CEP89: variants seen among roughly 807,000 people sequenced by gnomAD.
CEP89 encodes the protein centrosomal protein 89.
In CEP89, 95 loss-of-function variants were observed where a neutral mutation model predicts 97.6. That is an observed-to-expected ratio of 0.97 (90% CI 0.82 to 1.15). The LOEUF is 1.15. Among genes scored for constraint, CEP89 ranks in the 50% most tolerant of loss-of-function variants. CEP89 has a pLI of 0.00. For missense variants in CEP89, 869 were observed against 947.7 expected, an observed-to-expected ratio of 0.92 and a Z score of 1.09; for synonymous variants, 354 against 349.1, an observed-to-expected ratio of 1.01 and a Z score of -0.16.
chr19:32,919,750 C>G (rs1047980030), intron 12 of CEP89, among the ~76,000 whole-genome samples: 1 of 152,314 alleles, frequency 6.6e-6, no homozygotes, highest in East Asian at 1.9e-4. Context: ...CTGCAACTTC[C>G]ACCTCAGCTT....
intron 17 of CEP89, among the ~76,000 whole-genome samples, chr19:32,886,174 C>G (rs548003014): frequency 6.6e-6 from 1 of 152,336 alleles, no homozygotes; most frequent in African/African-American, 2.4e-5. Flanking sequence ...TAGTTTTGAT[C>G]TCCTTTGCGG....
Position 32,923,326 on chromosome 19 carries a change from C to T in CEP89, c.1268+113G>A, listed in dbSNP as rs116769080. ...CCTTATTAATTTCTTAGAAACTCTC[C>T]CGTAAAATATTTTAGTTAAGAATGT... On this transcript the variant is annotated intron_variant, in intron 12 of 18. Coordinates refer to ENST00000305768, the MANE Select transcript of CEP89 (RefSeq NM_032816.5). 694 of 544,412 alleles carry T rather than the reference C, an allele frequency of 1.3e-3. 3 individuals are homozygous for T. Among genetic ancestry groups the T allele is most frequent in the African/African-American group, 0.012 (617 of 51,634 alleles). The allele number at this position is 544,412 out of a possible 1,614,324, so 33.7% of individuals were successfully genotyped here. A position where few individuals can be genotyped will look rare whatever the true frequency, so the allele number is the denominator to read the frequency against.
intron 11 of CEP89, 145 bp downstream of exon 11, chr19:32,926,045 C>A: frequency 1.5e-6 from 1 of 685,860 alleles, no homozygotes. Flanking sequence ...TGCCACACTC[C>A]TTCCTTCCTC....
At chr19:32,896,769 C>G (rs1199184002) in intron 16 of CEP89, among the ~76,000 whole-genome samples, 1 of 151,604 alleles carries the variant, frequency 6.6e-6, no homozygotes, top group African/African-American at 2.4e-5. Flanking sequence ...CTCTCTGTCT[C>G]TCTCTCTCTC....
At chr19:32,896,147 G>A (rs936275226) in intron 16 of CEP89, among the ~76,000 whole-genome samples, 2 of 152,098 alleles carry the variant, frequency 1.3e-5, no homozygotes, top group Admixed American at 6.6e-5. Context: ...CCAAAAAGGA[G>A]CCTGAAAAGG....
In CEP89 at chr19:32,944,155, T is replaced by C. The variant is rs144872912; in HGVS notation, c.595+4111A>G. Among the ~76,000 whole-genome samples, 420 of 142,342 alleles carry C rather than the reference T, an allele frequency of 3.0e-3. 3 individuals carry two copies. The highest frequency in any genetic ancestry group is 0.011 in the African/African-American group (392 of 37,190). The allele number at this position is 142,342 out of a possible 152,430, so 93.4% of individuals were successfully genotyped here. A position where few individuals can be genotyped will look rare whatever the true frequency, so the allele number is the denominator to read the frequency against. On this transcript the variant is annotated intron_variant, in intron 5 of 18. Coordinates refer to ENST00000305768, the MANE Select transcript of CEP89 (RefSeq NM_032816.5). ...GGTGGGAGGATCAACTGAACCCAGG[T>C]TGAGGTTGCAGTAAGCCATGATCAT...
chr19:32,906,290 TG>T (rs559040652), intron 14 of CEP89, among the ~76,000 whole-genome samples: 1 of 152,232 alleles, frequency 6.6e-6, no homozygotes, highest in Non-Finnish European at 1.5e-5. Context: ...TTATTTGGAT[TG>T]TTTTTTAATC....
chr19:32,918,871 TC>T (rs371637939), intron 12 of CEP89, among the ~76,000 whole-genome samples: 2 of 121,732 alleles, frequency 1.6e-5, no homozygotes, highest in African/African-American at 3.6e-5. Context: ...TTTTCTTTTT[TC>T]TTTTTCTTTT....
chr19:32,955,429 G>A (rs1283387954), intron 3 of CEP89, among the ~76,000 whole-genome samples: 1 of 152,150 alleles, frequency 6.6e-6, no homozygotes, highest in East Asian at 1.9e-4. Context: ...AGATAACCCT[G>A]TAATAAACAT....
chr19:32,888,646 G>A (rs915233428), intron 16 of CEP89, among the ~76,000 whole-genome samples: 35 of 149,478 alleles, frequency 2.3e-4, no homozygotes, highest in East Asian at 8.1e-4. Context: ...TCGCGCCACC[G>A]CACTCCAGCC....
intron 16 of CEP89, among the ~76,000 whole-genome samples, chr19:32,897,949 A>G (rs1388166963): frequency 1.3e-5 from 2 of 152,208 alleles, no homozygotes; most frequent in Non-Finnish European, 2.9e-5. Flanking sequence ...AAATTAGTAC[A>G]GCCATTATGG....
intron 12 of CEP89, among the ~76,000 whole-genome samples, chr19:32,918,883 TC>T (rs1568559866): frequency 1.6e-5 from 2 of 126,322 alleles, no homozygotes; most frequent in Admixed American, 8.3e-5. Context: ...TTTTTCTTTT[TC>T]TTTTTTTTTT....
intron 16 of CEP89, among the ~76,000 whole-genome samples, chr19:32,890,432 T>C (rs1266763840): frequency 6.6e-6 from 1 of 151,794 alleles, no homozygotes; most frequent in African/African-American, 2.4e-5. Context: ...CAAAAACCTG[T>C]TTTCAGGAGG....
intron 15 of CEP89, among the ~76,000 whole-genome samples, chr19:32,900,888 C>CTTTTTTTTTTTTT (rs34188586): frequency 7.2e-6 from 1 of 138,162 alleles, no homozygotes; most frequent in Non-Finnish European, 1.6e-5. Flanking sequence ...CTTCATTTGT[C>CTTTTTTTTTTTTT]TTTTTTTTTT....
chr19:32,916,095 A>G (rs1970121557), intron 13 of CEP89, among the ~76,000 whole-genome samples: 1 of 151,770 alleles, frequency 6.6e-6, no homozygotes, highest in African/African-American at 2.4e-5. Flanking sequence ...TGGGTAACAT[A>G]GTGAGACCCC....
chr19:32,916,844 C>A (rs916945279), intron 13 of CEP89, among the ~76,000 whole-genome samples: 1 of 151,994 alleles, frequency 6.6e-6, no homozygotes, highest in African/African-American at 2.4e-5. Flanking sequence ...AACACCCCTA[C>A]TGAAAATACA....
chr19:32,965,088 T>C (rs921234578), intron 2 of CEP89, among the ~76,000 whole-genome samples: 11 of 152,062 alleles, frequency 7.2e-5, no homozygotes, highest in African/African-American at 2.2e-4. Flanking sequence ...TTTCTTTTGA[T>C]TTTTGCTATA....
chr19:32,929,466 G>A (rs1031614615), intron 9 of CEP89, among the ~76,000 whole-genome samples: 9 of 152,180 alleles, frequency 5.9e-5, no homozygotes, highest in Non-Finnish European at 1.2e-4. Context: ...GCTGGGCGCA[G>A]TGGAACACGC....
intron 16 of CEP89, among the ~76,000 whole-genome samples, chr19:32,892,922 G>A (rs1002746865): frequency 1.3e-5 from 2 of 152,052 alleles, no homozygotes; most frequent in African/African-American, 2.4e-5. Context: ...AAATGAGGAA[G>A]AGAAGGAACT....
Sources: allele counts gnomAD v4.1 joint callset (sites outside exome capture counted in the v4.1 genomes callset), GRCh38; gene constraint gnomAD v4.1.1; transcripts MANE v1.5; gene names NCBI Gene and HGNC (gene_info 2026-07-23, HGNC 2026-07-21).